Variants in PRKCZ observed in about 807,000 individuals in gnomAD.
PRKCZ encodes protein kinase C zeta.
PRKCZ carries 33 observed loss-of-function variants against 79.5 expected under a neutral mutation model. The ratio of observed to expected loss-of-function variants is 0.41; its 90% CI spans 0.31 to 0.55. The LOEUF (loss-of-function observed/expected upper bound fraction) is 0.55. Ranked by LOEUF, PRKCZ falls within the 20% of genes least tolerant of loss-of-function variation. PRKCZ has a pLI of 0.19. For missense variants in PRKCZ, 578 were observed against 813.5 expected (o/e 0.71, Z 3.52); for synonymous variants, 342 against 320.9 (o/e 1.07, Z -0.70).
rs1368571793 is a variant in PRKCZ at position 2,056,564 on chromosome 1, A to G, written c.274A>G (p.Ile92Val). 6.2e-7 allele frequency: 1 copy of G among 1,613,244 alleles called. No homozygotes were observed. Among genetic ancestry groups the G allele is most frequent in the South Asian group, 1.1e-5 (1 of 90,784 alleles). ...LARQCRDEGL[I>V]IHVFPSTPEQ... ...CCGTCAGTGCAGGGATGAAGGCCTC[A>G]TCATTCATGGTTAGTGGCGGGGTCT... Residue 92 changes from isoleucine (I) to valine (V), a missense_variant, in exon 3 of 18, where the codon ATC (isoleucine) becomes GTC (valine). Transcript: ENST00000378567.
At chr1:2,098,121 G>GAGTGACTAA (rs1666843858) in intron 4 of PRKCZ, among the ~76,000 whole-genome samples, 2 of 152,264 alleles carry the variant, frequency 1.3e-5, no homozygotes, top group East Asian at 3.9e-4. Flanking sequence ...AGGTGACCAG[G>GAGTGACTAA]GGTGACTAAG....
intron 16 of PRKCZ, among the ~76,000 whole-genome samples, chr1:2,180,177 C>T (rs1030517045): frequency 2.6e-5 from 4 of 152,176 alleles, no homozygotes; most frequent in African/African-American, 4.8e-5. Context: ...CCTGGCCACC[C>T]GCGAACCCCT....
intron 4 of PRKCZ, among the ~76,000 whole-genome samples, chr1:2,126,750 C>A (rs1325780105): frequency 6.6e-6 from 1 of 152,334 alleles, no homozygotes; most frequent in Admixed American, 6.5e-5. Flanking sequence ...GGCCCAGGCT[C>A]GCCACTTGCC....
chr1:2,052,295 C>G (rs1017357241), intron 1 of PRKCZ, among the ~76,000 whole-genome samples: 37 of 152,150 alleles, frequency 2.4e-4, no homozygotes, highest in African/African-American at 8.9e-4. Flanking sequence ...TGCTTTGGCC[C>G]CTGGGAGCAC....
At chr1:2,153,431 G>A (rs991226519) in intron 9 of PRKCZ, among the ~76,000 whole-genome samples, 5 of 152,208 alleles carry the variant, frequency 3.3e-5, no homozygotes, top group African/African-American at 4.8e-5. Context: ...AGCCATGCTC[G>A]GGGCTGGGAG....
At chr1:2,107,624 G>C (rs964643600) in intron 4 of PRKCZ, among the ~76,000 whole-genome samples, 9 of 152,222 alleles carry the variant, frequency 5.9e-5, no homozygotes, top group African/African-American at 9.6e-5. Context: ...GAAACACAGG[G>C]AGGGAGGATG....
At chr1:2,146,931 C>A (rs1678663880) in intron 7 of PRKCZ, among the ~76,000 whole-genome samples, 1 of 152,144 alleles carries the variant, frequency 6.6e-6, no homozygotes, top group African/African-American at 2.4e-5. Context: ...TCCAGCCAAC[C>A]AGCCATCCTC....
intron 16 of PRKCZ, among the ~76,000 whole-genome samples, chr1:2,180,496 G>A (rs773168344): frequency 1.3e-5 from 2 of 149,220 alleles, no homozygotes; most frequent in Non-Finnish European, 3.0e-5. Flanking sequence ...CAGACGACGC[G>A]GACGCACAGA....
At chr1:2,162,806 T>G (rs190602983) in intron 10 of PRKCZ, among the ~76,000 whole-genome samples, 1 of 152,302 alleles carries the variant, frequency 6.6e-6, no homozygotes, top group Non-Finnish European at 1.5e-5. Flanking sequence ...AAACGAGGTA[T>G]TTTTTCTTCT....
Position 2,178,214 on chromosome 1 carries a change from C to T in PRKCZ, c.1575+2901C>T, listed in dbSNP as rs899575898. 6.6e-6 allele frequency among the ~76,000 whole-genome samples: 1 copy of T among 152,252 alleles called. No homozygotes were observed. The highest frequency in any genetic ancestry group is 2.4e-5 in the African/African-American group (1 of 41,470). On this transcript the variant is annotated intron_variant, in intron 16 of 17. Transcript: ENST00000378567. This position sits in a 1 kb window ranked among gnomAD's most constrained non-coding sequence, Gnocchi z 4.3. Reference sequence around the variant, plus strand: ...CCGAACCCACTCCAGCCTCTCCCCACACCCTGCAGTGGCTGCTCCGCCAGG... The same window carrying T: ...CCGAACCCACTCCAGCCTCTCCCCATACCCTGCAGTGGCTGCTCCGCCAGG...
At chr1:2,057,550 C>G (rs1660281727) in intron 3 of PRKCZ, among the ~76,000 whole-genome samples, 1 of 152,134 alleles carries the variant, frequency 6.6e-6, no homozygotes, top group African/African-American at 2.4e-5. Flanking sequence ...TTTCTTCGCC[C>G]TTTATATCAA....
intron 1 of PRKCZ, 123 bp from the exon 2 acceptor site, chr1:2,055,318 G>A: frequency 1.6e-6 from 2 of 1,239,236 alleles, no homozygotes; most frequent in Non-Finnish European, 2.2e-6. Flanking sequence ...GGGTGGGGCT[G>A]TCATATTGTC....
chr1:2,053,265 T>G (rs1447650531), intron 1 of PRKCZ, among the ~76,000 whole-genome samples: 1 of 152,186 alleles, frequency 6.6e-6, no homozygotes, highest in Non-Finnish European at 1.5e-5. Context: ...CACGCCCGGT[T>G]AACTTTTGTA....
chr1:2,170,913 C>T (rs1684301362), intron 11 of PRKCZ, among the ~76,000 whole-genome samples: 1 of 152,246 alleles, frequency 6.6e-6, no homozygotes, highest in Admixed American at 6.5e-5. Flanking sequence ...ACTTGAGTGG[C>T]ATCCACATGT....
chr1:2,183,251 C>T (rs1194259331), intron 16 of PRKCZ, among the ~76,000 whole-genome samples: 1 of 151,444 alleles, frequency 6.6e-6, no homozygotes, highest in Non-Finnish European at 1.5e-5. Context: ...ACAAAATTAG[C>T]TGGGCATGGT....
chr1:2,086,866 C>T (rs1664621703), intron 4 of PRKCZ, among the ~76,000 whole-genome samples: 1 of 152,230 alleles, frequency 6.6e-6, no homozygotes, highest in Admixed American at 6.5e-5. Context: ...GCGGCATCGT[C>T]ACCAGGGCAG....
chr1:2,171,370 ATTT>A (rs564778926), intron 11 of PRKCZ, among the ~76,000 whole-genome samples: 2 of 135,202 alleles, frequency 1.5e-5, no homozygotes, highest in African/African-American at 2.9e-5. Context: ...GTCATATTTA[ATTT>A]TTTTTTTTTT....
intron 4 of PRKCZ, among the ~76,000 whole-genome samples, chr1:2,076,742 G>GAA (rs59323031): frequency 1.6e-5 from 2 of 127,156 alleles, no homozygotes; most frequent in Non-Finnish European, 3.4e-5. Flanking sequence ...ACTCCATCTT[G>GAA]AAAAAAAAAA....
rs144019365 is a variant in PRKCZ, at chr1:2,074,003, C to T, written c.334+14412C>T. 4.5e-5 allele frequency: 64 copies of T among 1,419,220 alleles called. 1 individual carries two copies. In the South Asian group the frequency reaches 4.6e-4, roughly 10 times the overall value. The allele number at this position is 1,419,220 out of a possible 1,614,324, so 87.9% of individuals were successfully genotyped here. A position where few individuals can be genotyped will look rare whatever the true frequency, so the allele number is the denominator to read the frequency against. On this transcript the variant is annotated intron_variant, in intron 4 of 17. Coordinates refer to ENST00000378567, the MANE Select transcript of PRKCZ (RefSeq NM_002744.6). ...GGCCAGCCGTGCTGCAGGCCCTGTG[C>T]GTGCGGAGGACGGTGCCCGAGTCAG... is the stretch of plus-strand genomic sequence containing the variant.
Sources: allele counts gnomAD v4.1 joint callset (sites outside exome capture counted in the v4.1 genomes callset), GRCh38; gene constraint gnomAD v4.1.1; non-coding constraint Gnocchi (gnomAD v3.1); transcripts MANE v1.5; gene names NCBI Gene and HGNC (gene_info 2026-07-23, HGNC 2026-07-21).